The following TRPC1 variants were observed in gnomAD, a reference collection of about 807,000 sequenced individuals.
TRPC1 encodes the protein transient receptor potential cation channel subfamily C member 1, also known as short transient receptor potential channel 1.
Under a neutral mutation model 88.2 loss-of-function variants are expected in TRPC1, and 42 were observed. The observed-to-expected ratio is 0.48, with a 90% CI of 0.37 to 0.62. The LOEUF is 0.62. Among genes scored for constraint, TRPC1 ranks in the 20% least tolerant of loss-of-function variants. The pLI is 0.00. For synonymous variants in TRPC1, 288 were observed against 331.8 expected (o/e 0.87, Z 1.43); for missense variants, 699 against 957.3 (o/e 0.73, Z 3.56).
chr3:142,782,455 A>G (rs889309810), intron 6 of TRPC1, among the ~76,000 whole-genome samples: 1 of 152,224 alleles, frequency 6.6e-6, no homozygotes, highest in Non-Finnish European at 1.5e-5. Context: ...TTGAATAGCA[A>G]ACTACTCTGA....
chr3:142,736,548 A>G lies in TRPC1; in HGVS notation c.327+15A>G, dbSNP rs201124631. The G allele has an allele frequency of 7.3e-4, 1,156 of 1,574,130 alleles. 2 individuals are homozygous for G. Among genetic ancestry groups the G allele is most frequent in the Non-Finnish European group, 8.2e-4 (955 of 1,164,412 alleles). ...ACGGTTGTCAGGTACAAGGCTAGAT[A>G]ATTTAATCCAGTTAACTTCTAAGTG... On this transcript the variant is annotated intron_variant, in intron 2 of 12. Transcript: ENST00000476941.
chr3:142,784,136 T>C (rs1178976595), intron 6 of TRPC1, among the ~76,000 whole-genome samples: 1 of 152,162 alleles, frequency 6.6e-6, no homozygotes, highest in Admixed American at 6.6e-5. Flanking sequence ...TTGTTTTTGC[T>C]ATCTTGACTT....
chr3:142,757,988 T>C (rs1475543951), intron 4 of TRPC1, among the ~76,000 whole-genome samples: 1 of 152,194 alleles, frequency 6.6e-6, no homozygotes, highest in Non-Finnish European at 1.5e-5. Flanking sequence ...TCTTTTATAA[T>C]GTACAATAAT....
intron 4 of TRPC1, among the ~76,000 whole-genome samples, chr3:142,775,245 A>C (rs549223401): frequency 1.4e-4 from 21 of 152,366 alleles, no homozygotes; most frequent in African/African-American, 5.0e-4. Flanking sequence ...AAGCTAAATA[A>C]GGACTATATC....
intron 4 of TRPC1, among the ~76,000 whole-genome samples, chr3:142,753,973 T>C (rs1934868974): frequency 6.6e-6 from 1 of 151,418 alleles, no homozygotes; most frequent in South Asian, 2.1e-4. Flanking sequence ...TGGTCCCAGC[T>C]ATGCAGGAGG....
chr3:142,779,290 A>C (rs748528046), intron 5 of TRPC1, among the ~76,000 whole-genome samples: 3 of 152,202 alleles, frequency 2.0e-5, no homozygotes, highest in Non-Finnish European at 4.4e-5. Context: ...GTAGGAGCAA[A>C]GTTATAACTA....
chr3:142,759,587 G>A (rs1384502809), intron 4 of TRPC1, among the ~76,000 whole-genome samples: 1 of 152,026 alleles, frequency 6.6e-6, no homozygotes, highest in African/African-American at 2.4e-5. Flanking sequence ...TTGTCAGATG[G>A]GTAGATTGTA....
intron 7 of TRPC1, among the ~76,000 whole-genome samples, chr3:142,789,774 A>G (rs994009906): frequency 1.3e-5 from 2 of 152,180 alleles, no homozygotes; most frequent in African/African-American, 4.8e-5. Context: ...CAAAAAACGG[A>G]AAGTTTTTCT....
At chr3:142,748,493 G>A (rs1189149923) in intron 4 of TRPC1, 33 bp downstream of exon 4, 1 of 1,585,932 alleles carries the variant, frequency 6.3e-7, no homozygotes, top group Non-Finnish European at 8.7e-7. Context: ...AAATAGATGT[G>A]TGATATATAT....
chr3:142,757,975 T>C (rs886883822), intron 4 of TRPC1, among the ~76,000 whole-genome samples: 2 of 152,150 alleles, frequency 1.3e-5, no homozygotes, highest in African/African-American at 4.8e-5. Context: ...AATCCAATTA[T>C]ACTCTTTTAT....
At chr3:142,771,912 T>C (rs115540579) in intron 4 of TRPC1, among the ~76,000 whole-genome samples, 2,022 of 152,274 alleles carry the variant, frequency 0.013, 69 homozygotes, top group Admixed American at 0.08. Context: ...TTTTCCTTTA[T>C]TTTTGAACAT....
At chr3:142,753,837 AT>A (rs1381375424) in intron 4 of TRPC1, among the ~76,000 whole-genome samples, 1 of 152,004 alleles carries the variant, frequency 6.6e-6, no homozygotes, top group Non-Finnish European at 1.5e-5. Flanking sequence ...GCTCACGCCT[AT>A]AATCCTAGCA....
chr3:142,745,711 A>G (rs543713594), intron 3 of TRPC1, among the ~76,000 whole-genome samples: 82 of 152,320 alleles, frequency 5.4e-4, no homozygotes, highest in African/African-American at 1.9e-3. Context: ...TTCAGCCTTT[A>G]TTTAAATACA....
At chr3:142,756,345 G>T (rs1310090220) in intron 4 of TRPC1, among the ~76,000 whole-genome samples, 2 of 151,152 alleles carry the variant, frequency 1.3e-5, no homozygotes, top group Non-Finnish European at 2.9e-5. Context: ...ATTTTTACTG[G>T]TAAGGTATGA....
chr3:142,769,392 A>AAAT (rs1364496578), intron 4 of TRPC1, among the ~76,000 whole-genome samples: 1 of 151,904 alleles, frequency 6.6e-6, no homozygotes, highest in Non-Finnish European at 1.5e-5. Context: ...GGGGTCTTTC[A>AAAT]GTGTTGCGCA....
At position 142,806,116 on chromosome 3, in the gene TRPC1, C is replaced by G; in HGVS notation, c.2263C>G (p.Gln755Glu). The change falls in exon 13 of 13, where the codon CAG becomes GAG. Residue 755 changes from glutamine to glutamate, a missense_variant. By Grantham distance (29) the Gln-to-Glu change is conservative. Around this residue, in one of 4 missense-constraint regions of TRPC1, gnomAD observed 105 missense variants for 141.7 expected, o/e 0.74. Transcript: ENST00000476941. ...SMRQKMQSTD[Q>E]ATVENLNELR... Reference sequence around the variant, plus strand: ...GAGACAGAAGATGCAAAGTACAGATCAGGCAACTGTGGAAAATCTAAACGA... The same window carrying G: ...GAGACAGAAGATGCAAAGTACAGATGAGGCAACTGTGGAAAATCTAAACGA... 6.2e-7 allele frequency: 1 copy of G among 1,613,916 alleles called. No individual in the cohort carries two copies. Among genetic ancestry groups the G allele is most frequent in the Non-Finnish European group, 8.5e-7 (1 of 1,179,888 alleles).
intron 1 of TRPC1, among the ~76,000 whole-genome samples, chr3:142,732,727 C>A (rs899369522): frequency 2.6e-5 from 4 of 152,022 alleles, no homozygotes; most frequent in African/African-American, 9.7e-5. Flanking sequence ...TACCATCTAG[C>A]CAAAAAAGTA....
At position 142,748,433 on chromosome 3, in the gene TRPC1, A is replaced by C; in HGVS notation, c.605A>C (p.Asn202Thr). ...GCECTLCSAK[N>T]KKDSLRHSRF... ...GAATGCACATTGTGTTCTGCAAAAAACAAAAAGGATAGCCTCCGGCATTCC... is the reference window on the plus strand; with the variant it reads ...GAATGCACATTGTGTTCTGCAAAAACCAAAAAGGATAGCCTCCGGCATTCC... Residue 202 changes from asparagine to threonine, a missense_variant, in exon 4 of 13, where the codon AAC (asparagine) becomes ACC (threonine). Physicochemically the swap from Asn to Thr is moderately conservative, Grantham distance 65 (BLOSUM62 0). This residue lies in a region of TRPC1 where 426 missense variants were observed against 641.3 expected (regional missense o/e 0.66). Coordinates refer to ENST00000476941, the MANE Select transcript of TRPC1 (RefSeq NM_001251845.2). 6.2e-7 allele frequency: 1 copy of C among 1,614,130 alleles called. No individual in the cohort carries two copies. The highest frequency in any genetic ancestry group is 8.5e-7 in the Non-Finnish European group (1 of 1,179,970).
intron 4 of TRPC1, among the ~76,000 whole-genome samples, chr3:142,751,354 A>G (rs1934756557): frequency 6.6e-6 from 1 of 152,158 alleles, no homozygotes. Context: ...TAGATATGCA[A>G]ATATTTACTA....
Sources: allele counts gnomAD v4.1 joint callset (sites outside exome capture counted in the v4.1 genomes callset), GRCh38; gene constraint gnomAD v4.1.1; regional missense constraint gnomAD v4.1.1; transcripts MANE v1.5; gene names NCBI Gene and HGNC (gene_info 2026-07-23, HGNC 2026-07-21).